SHQ1: variants seen among roughly 807,000 people sequenced by gnomAD.
The protein encoded by SHQ1 is SHQ1, H/ACA ribonucleoprotein assembly factor, also known as protein SHQ1 homolog.
A neutral mutation model predicts 53.8 loss-of-function variants in SHQ1; 49 were observed. The observed-to-expected ratio is 0.91, with a 90% CI of 0.72 to 1.16. The LOEUF is 1.16. Among genes scored for constraint, SHQ1 ranks in the 50% most tolerant of loss-of-function variants. The pLI is 0.00. For missense variants in SHQ1, 738 were observed against 683.1 expected, an observed-to-expected ratio of 1.08 and a Z score of -0.90; for synonymous variants, 243 against 251.0, an observed-to-expected ratio of 0.97 and a Z score of 0.30.
intron 10 of SHQ1, among the ~76,000 whole-genome samples, chr3:72,758,498 C>A (rs545938129): frequency 6.6e-6 from 1 of 151,964 alleles, no homozygotes; most frequent in South Asian, 2.1e-4. Context: ...TAACAAACCA[C>A]CAAAAACTGG....
the SHQ1 span, among the ~76,000 whole-genome samples, chr3:72,726,644 G>A: frequency 1.3e-5 from 2 of 152,126 alleles, no homozygotes; most frequent in Non-Finnish European, 2.9e-5. Flanking sequence ...GAGCCACCAC[G>A]CCGGGCCACA....
intron 6 of SHQ1, among the ~76,000 whole-genome samples, chr3:72,818,429 G>C (rs1054693461): frequency 5.9e-5 from 9 of 152,072 alleles, no homozygotes; most frequent in African/African-American, 2.2e-4. Flanking sequence ...TGTATTGACT[G>C]GGTTAAAAAA....
chr3:72,726,725 A>C, the SHQ1 span, among the ~76,000 whole-genome samples: 1 of 152,140 alleles, frequency 6.6e-6, no homozygotes, highest in African/African-American at 2.4e-5. Context: ...AGCTCATCTG[A>C]TGAGGACCAT....
the SHQ1 span, among the ~76,000 whole-genome samples, chr3:72,734,326 G>C: frequency 1.3e-5 from 2 of 150,880 alleles, no homozygotes; most frequent in Non-Finnish European, 3.0e-5. Flanking sequence ...ATGTGATCTC[G>C]ACTCACTACA....
chr3:72,733,230 A>G, the SHQ1 span, among the ~76,000 whole-genome samples: 2 of 151,680 alleles, frequency 1.3e-5, no homozygotes, highest in Non-Finnish European at 2.9e-5. Context: ...TGACTGGGAC[A>G]TCTCTCCCTT....
chr3:72,730,782 A>ATCTC, the SHQ1 span, among the ~76,000 whole-genome samples: 19 of 149,164 alleles, frequency 1.3e-4, no homozygotes, highest in African/African-American at 4.4e-4. Context: ...AAATGTGTCA[A>ATCTC]TCTCTCTCTC....
chr3:72,809,488 A>C (rs1707053544), intron 9 of SHQ1: 1 of 152,170 alleles, frequency 6.6e-6, no homozygotes, highest in Non-Finnish European at 1.5e-5. Flanking sequence ...GCGGAAGTGA[A>C]AGCAAAAATT....
intron 1 of SHQ1, chr3:72,846,391 T>A (rs1708330088): frequency 8.0e-7 from 1 of 1,254,828 alleles, no homozygotes. Flanking sequence ...GCCCCCCAGG[T>A]TCAAGCGATT....
chr3:72,782,912 GAAGTA>G (rs1358272300), intron 10 of SHQ1, among the ~76,000 whole-genome samples: 1 of 152,192 alleles, frequency 6.6e-6, no homozygotes, highest in Non-Finnish European at 1.5e-5. Flanking sequence ...AATTCTACGT[GAAGTA>G]GAGAATACTG....
At chr3:72,813,497 G>A (rs1707193376) in intron 8 of SHQ1, among the ~76,000 whole-genome samples, 1 of 147,938 alleles carries the variant, frequency 6.8e-6, no homozygotes, top group Non-Finnish European at 1.5e-5. Context: ...CGGGTGCGGT[G>A]GCTCATGCCT....
rs187409082 is a variant in SHQ1, at chr3:72,848,139, C to T, written c.143+59G>A. 3.3e-4 allele frequency: 525 copies of T among 1,600,810 alleles called. 1 individual carries two copies. The African/African-American group carries it at 6.3e-3, about 19-fold the overall frequency. On this transcript the variant is annotated intron_variant, in intron 1 of 10. Coordinates refer to ENST00000325599, the MANE Select transcript of SHQ1 (RefSeq NM_018130.3). Reference sequence around the variant, plus strand: ...ACTGCTCTCTCGACCTTGCATTCTCCCTCTAAAGCAGCTATCTAACGAATG... The same window carrying T: ...ACTGCTCTCTCGACCTTGCATTCTCTCTCTAAAGCAGCTATCTAACGAATG...
At chr3:72,756,300 A>C (rs969706521) in intron 10 of SHQ1, among the ~76,000 whole-genome samples, 67 of 151,604 alleles carry the variant, frequency 4.4e-4, no homozygotes, top group African/African-American at 1.6e-3. Flanking sequence ...ACAGACTCTC[A>C]CTCTGCCTTC....
At chr3:72,833,487 TAGATAGATAGATAG>T (rs1707892820) in intron 4 of SHQ1, among the ~76,000 whole-genome samples, 1 of 102,076 alleles carries the variant, frequency 9.8e-6, no homozygotes, top group African/African-American at 3.9e-5. Flanking sequence ...GATAGATAGA[TAGATAGATAGATAG>T]ACAGACAGAC....
At chr3:72,798,830 G>A (rs1387656697) in intron 9 of SHQ1, among the ~76,000 whole-genome samples, 1 of 152,242 alleles carries the variant, frequency 6.6e-6, no homozygotes, top group Non-Finnish European at 1.5e-5. Flanking sequence ...GAAAAACAAT[G>A]TAAGTTGCTA....
intron 10 of SHQ1, among the ~76,000 whole-genome samples, chr3:72,760,298 G>A (rs1049365727): frequency 6.6e-6 from 1 of 152,212 alleles, no homozygotes; most frequent in Non-Finnish European, 1.5e-5. Context: ...ATACTAGAAT[G>A]TGGATGAAAT....
chr3:72,754,384 C>CTT (rs376060192), intron 10 of SHQ1, among the ~76,000 whole-genome samples: 85 of 140,948 alleles, frequency 6.0e-4, no homozygotes, highest in African/African-American at 2.2e-3. Flanking sequence ...TTTTCTTCTT[C>CTT]TTTTTTTTTT....
intron 9 of SHQ1, among the ~76,000 whole-genome samples, chr3:72,799,233 A>G (rs1706716128): frequency 6.6e-6 from 1 of 152,198 alleles, no homozygotes; most frequent in African/African-American, 2.4e-5. Context: ...GAGGGAAAGC[A>G]CTGCTTGGTC....
chr3:72,839,040 T>C (rs1306873277), intron 4 of SHQ1, among the ~76,000 whole-genome samples: 3 of 152,086 alleles, frequency 2.0e-5, no homozygotes, highest in Non-Finnish European at 2.9e-5. Context: ...AGGCTCACAT[T>C]ATGGCATTCC....
chr3:72,837,804 C>T (rs542965681), intron 4 of SHQ1, among the ~76,000 whole-genome samples: 17 of 152,286 alleles, frequency 1.1e-4, no homozygotes, highest in South Asian at 6.2e-4. Flanking sequence ...CCACTTGTTA[C>T]GGCTGCCATA....
Sources: gnomAD v4.1 joint callset for allele counts (sites outside exome capture counted in the v4.1 genomes callset) on GRCh38, gnomAD v4.1.1 for gene constraint, MANE v1.5 for transcripts, NCBI Gene and HGNC (gene_info 2026-07-23, HGNC 2026-07-21) for gene names.